MCPH1: variants seen among roughly 807,000 people sequenced by gnomAD.
The protein encoded by MCPH1 is microcephalin 1, also known as microcephalin.
A neutral mutation model predicts 84.5 loss-of-function variants in MCPH1; 104 were observed. That is an observed-to-expected ratio of 1.23 (90% CI 1.05 to 1.45). The LOEUF (loss-of-function observed/expected upper bound fraction) is 1.45, where lower values mean the gene tolerates loss of function less well. MCPH1 is among the 40% of genes most tolerant of loss of function. The pLI, the probability that MCPH1 is intolerant of heterozygous loss-of-function variation, is 0.00. For synonymous variants in MCPH1, 514 were observed against 366.8 expected, an observed-to-expected ratio of 1.40 and a Z score of -4.58; for missense variants, 1,498 against 1,005.7, an observed-to-expected ratio of 1.49 and a Z score of -6.62.
chr8:6,446,414 G>T, intron 8 of MCPH1: 1 of 985,264 alleles, frequency 1.0e-6, no homozygotes, highest in Non-Finnish European at 1.2e-6. Context: ...TCATGGTAGC[G>T]TTTGAAATCA....
chr8:6,576,682 A>ATTT (rs58486084), intron 12 of MCPH1, among the ~76,000 whole-genome samples: 6 of 42,348 alleles, frequency 1.4e-4, no homozygotes, highest in Admixed American at 3.8e-4. Context: ...TAATTTTTGT[A>ATTT]TTTTTTTTTT....
intron 13 of MCPH1, among the ~76,000 whole-genome samples, chr8:6,634,136 T>C (rs1321235608): frequency 6.6e-6 from 1 of 152,158 alleles, no homozygotes; most frequent in Non-Finnish European, 1.5e-5. Flanking sequence ...ATTGAAAAAC[T>C]AGATCTGAAG....
chr8:6,535,353 A>C (rs1443659344), intron 12 of MCPH1, among the ~76,000 whole-genome samples: 1 of 152,218 alleles, frequency 6.6e-6, no homozygotes, highest in Non-Finnish European at 1.5e-5. Context: ...GGAACTTTGA[A>C]AGACATACAG....
chr8:6,511,496 A>G (rs1307037397), intron 12 of MCPH1, among the ~76,000 whole-genome samples: 1 of 152,188 alleles, frequency 6.6e-6, no homozygotes, highest in Non-Finnish European at 1.5e-5. Flanking sequence ...GCATTTATGC[A>G]TTTCTTATAA....
At chr8:6,635,798 T>C (rs541167557) in intron 13 of MCPH1, among the ~76,000 whole-genome samples, 1 of 152,104 alleles carries the variant, frequency 6.6e-6, no homozygotes, top group Non-Finnish European at 1.5e-5. Flanking sequence ...TCACCTAAAA[T>C]GTAAAATGCC....
At position 6,510,806 on chromosome 8, in the gene MCPH1, C is replaced by G. The variant is rs551523188; in HGVS notation, c.2214+10877C>G. On this transcript the variant is annotated intron_variant, in intron 12 of 13. Coordinates refer to ENST00000344683, the MANE Select transcript of MCPH1 (RefSeq NM_024596.5). The stretch of plus-strand genomic sequence containing the variant: ...GATGTGGAGTTCTGTAAGTGTTGCT[C>G]CTAAGTGACTTCAGTATTAAGGCAG... Among the ~76,000 whole-genome samples the G allele has an allele frequency of 4.6e-5, 7 of 152,280 alleles. No homozygotes were observed. The South Asian group carries it at 1.5e-3, about 32-fold the overall frequency.
At chr8:6,508,044 A>C (rs961436041) in intron 12 of MCPH1, 17 of 152,210 alleles carry the variant, frequency 1.1e-4, no homozygotes, top group African/African-American at 4.1e-4. Context: ...CCTACAATAC[A>C]AGAAAGGTCT....
chr8:6,499,631 A>G (rs1811756530), intron 11 of MCPH1: 2 of 498,126 alleles, frequency 4.0e-6, no homozygotes, highest in East Asian at 3.4e-5. Context: ...AATGACTCAG[A>G]TTTCTTGTTA....
chr8:6,533,168 A>T (rs1014994313), intron 12 of MCPH1, among the ~76,000 whole-genome samples: 1 of 152,242 alleles, frequency 6.6e-6, no homozygotes, highest in Non-Finnish European at 1.5e-5. Context: ...TGGTCCATTT[A>T]TCACCTAACG....
At chr8:6,625,081 G>C in intron 13 of MCPH1, 1 of 626,884 alleles carries the variant, frequency 1.6e-6, no homozygotes, top group Non-Finnish European at 2.0e-6. Flanking sequence ...CACCATGTTG[G>C]CCAGGCTGGT....
At chr8:6,508,572 G>A (rs756954281) in intron 12 of MCPH1, 3 of 418,272 alleles carry the variant, frequency 7.2e-6, no homozygotes, top group Non-Finnish European at 1.3e-5. Flanking sequence ...TGTTGTGGTT[G>A]CTACTTGGAA....
At position 6,415,697 on chromosome 8, in the gene MCPH1, T is replaced by C. The variant is rs1585600519; in HGVS notation, c.233+814T>C. Among the ~76,000 whole-genome samples, 3 of 152,132 alleles carry C rather than the reference T, an allele frequency of 2.0e-5. No individual in the cohort carries two copies. In the East Asian group the frequency reaches 5.8e-4, roughly 29 times the overall value. Reference sequence around the variant, plus strand: ...GTAAATTTGTAGTAAGTTTTGAAATTGGGAAGTACGAGTCCTGTAACTTGT... The same window carrying C: ...GTAAATTTGTAGTAAGTTTTGAAATCGGGAAGTACGAGTCCTGTAACTTGT... On this transcript the variant is annotated intron_variant, in intron 3 of 13. Coordinates refer to ENST00000344683, the MANE Select transcript of MCPH1 (RefSeq NM_024596.5).
chr8:6,493,137 C>T (rs1408918641), intron 11 of MCPH1, among the ~76,000 whole-genome samples: 4 of 152,130 alleles, frequency 2.6e-5, no homozygotes, highest in East Asian at 1.9e-4. Context: ...AAGAGAAGTA[C>T]GCACTTAGTT....
chr8:6,596,783 T>C (rs939830574), intron 12 of MCPH1, among the ~76,000 whole-genome samples: 2 of 152,192 alleles, frequency 1.3e-5, no homozygotes, highest in South Asian at 4.1e-4. Flanking sequence ...ATAAATCTCT[T>C]TTCTGCTGAA....
chr8:6,576,722 T>TTTTTTTTTTTTTTTTTTTC (rs1563148341), intron 12 of MCPH1, among the ~76,000 whole-genome samples: 1 of 91,506 alleles, frequency 1.1e-5, no homozygotes, highest in Non-Finnish European at 2.0e-5. Context: ...TTTTTTTTTT[T>TTTTTTTTTTTTTTTTTTTC]TTTTTAGTAG....
At chr8:6,411,963 G>C (rs1021723507) in intron 2 of MCPH1, among the ~76,000 whole-genome samples, 14 of 152,152 alleles carry the variant, frequency 9.2e-5, no homozygotes, top group African/African-American at 3.4e-4. Context: ...CTGATAGGCT[G>C]AGTGAAAGAG....
intron 12 of MCPH1, among the ~76,000 whole-genome samples, chr8:6,583,682 G>A (rs900784423): frequency 6.6e-5 from 10 of 152,148 alleles, no homozygotes; most frequent in African/African-American, 2.4e-4. Flanking sequence ...CTTGGTGATT[G>A]GAAATGAGCT....
At chr8:6,588,936 G>A (rs772194893) in intron 12 of MCPH1, among the ~76,000 whole-genome samples, 32 of 152,354 alleles carry the variant, frequency 2.1e-4, no homozygotes, top group Non-Finnish European at 4.6e-4. Context: ...TAGGCCACCA[G>A]GACAAAGGAT....
At chr8:6,641,589 A>T (rs1441956463) in intron 13 of MCPH1, among the ~76,000 whole-genome samples, 1 of 152,172 alleles carries the variant, frequency 6.6e-6, no homozygotes, top group Non-Finnish European at 1.5e-5. Context: ...ACAAAAAATC[A>T]AAACATTAAC....
Sources: allele counts gnomAD v4.1 joint callset (sites outside exome capture counted in the v4.1 genomes callset), GRCh38; gene constraint gnomAD v4.1.1; transcripts MANE v1.5; gene names NCBI Gene and HGNC (gene_info 2026-07-23, HGNC 2026-07-21).